PHACTR2: variants seen among roughly 807,000 people sequenced by gnomAD.
The protein encoded by PHACTR2 is phosphatase and actin regulator 2, also known as chromosome 6 open reading frame 56.
A neutral mutation model predicts 76.0 loss-of-function variants in PHACTR2; 30 were observed. The observed-to-expected ratio is 0.39, with a 90% confidence interval of 0.30 to 0.54. The LOEUF (loss-of-function observed/expected upper bound fraction) is 0.54. PHACTR2 is among the 20% of genes least tolerant of loss of function. The pLI, the probability that PHACTR2 is intolerant of heterozygous loss-of-function variation, is 0.61. For missense variants in PHACTR2, 696 were observed against 781.1 expected (o/e 0.89, Z 1.30); for synonymous variants, 292 against 292.5 (o/e 1.00, Z 0.02).
At position 143,588,125 on chromosome 6, in the gene PHACTR2, T is replaced by G. The variant is rs1271797839; in HGVS notation, c.217+50918T>G. ...AGATCTTCTAAAGCCTTTTTATACT[T>G]AAGATCATTGATCTTATACAAGTAG... On this transcript the variant is annotated intron_variant, in intron 1 of 11. Transcript: ENST00000367584. 2.6e-5 allele frequency among the ~76,000 whole-genome samples: 4 copies of G among 152,192 alleles called. No individual in the cohort carries two copies. The East Asian group carries it at 7.7e-4, about 29-fold the overall frequency.
In PHACTR2 at chr6:143,788,803, C is replaced by T. The variant is rs375030657; in HGVS notation, c.1738C>T (p.Gln580Ter). Residue 580 changes from glutamine to a stop codon, truncating the protein, a stop_gained, in exon 11 of 13, where the codon CAA becomes TAA. Transcript: ENST00000440869. LOFTEE classifies it high-confidence loss of function. ...CCTGAGACCCACAGTGGCAGAGCTA[C>T]AAGCTCGAAGGATCCTGCGATTTAA... ...LSLRPTVAEL[Q>*]ARRILRFNEY... 1 of 1,613,302 alleles carries T rather than the reference C, an allele frequency of 6.2e-7. No individual in the cohort carries two copies. The highest frequency in any genetic ancestry group is 8.5e-7 in the Non-Finnish European group (1 of 1,179,454).
chr6:143,643,383 T>G (rs1240927087), intron 1 of PHACTR2, among the ~76,000 whole-genome samples: 1 of 152,244 alleles, frequency 6.6e-6, no homozygotes, highest in Non-Finnish European at 1.5e-5. Context: ...AAGTTACTTC[T>G]GAAAATTGGT....
At chr6:143,717,824 G>A (rs1163006629) in intron 2 of PHACTR2, among the ~76,000 whole-genome samples, 1 of 151,848 alleles carries the variant, frequency 6.6e-6, no homozygotes, top group East Asian at 1.9e-4. Flanking sequence ...CATCCTCCTT[G>A]GCTTCTCAAA....
At chr6:143,636,139 A>C (rs1172125252) in intron 1 of PHACTR2, among the ~76,000 whole-genome samples, 1 of 151,980 alleles carries the variant, frequency 6.6e-6, no homozygotes, top group African/African-American at 2.4e-5. Flanking sequence ...CTTTGAACCC[A>C]AGAGGCAGAG....
rs73579901 is a variant in PHACTR2 at position 143,733,767 on chromosome 6, T to G, written c.215-15218T>G. 0.068 allele frequency among the ~76,000 whole-genome samples: 10,276 copies of G among 152,204 alleles called. 1,159 individuals are homozygous for G. The highest frequency in any genetic ancestry group is 0.23 in the African/African-American group (9,636 of 41,490). ...GAACATCTTTCTCAGAAAGGAAGTG[T>G]GGTGGGGGTTGTATTTTAATTCAAC... On this transcript the variant is annotated intron_variant, in intron 2 of 12. Coordinates refer to ENST00000440869, the MANE Select transcript of PHACTR2 (RefSeq NM_001100164.2). The surrounding 1 kb of genome is among the most constrained non-coding windows in gnomAD (Gnocchi z 4.0).
At chr6:143,734,567 C>T (rs1289205720) in intron 2 of PHACTR2, among the ~76,000 whole-genome samples, 1 of 152,166 alleles carries the variant, frequency 6.6e-6, no homozygotes, top group Non-Finnish European at 1.5e-5. Context: ...ACTGATTTTG[C>T]TGATTTCTGA....
At chr6:143,643,176 T>C (rs1289998246) in intron 1 of PHACTR2, among the ~76,000 whole-genome samples, 1 of 152,200 alleles carries the variant, frequency 6.6e-6, no homozygotes, top group Non-Finnish European at 1.5e-5. Context: ...ATCCAAATTA[T>C]TGTTTAAATG....
At chr6:143,569,894 C>T (rs1266890894) in intron 1 of PHACTR2, among the ~76,000 whole-genome samples, 1 of 152,104 alleles carries the variant, frequency 6.6e-6, no homozygotes, top group East Asian at 1.9e-4. Flanking sequence ...GGAAGTGCTG[C>T]GTGTGATAAG....
rs1376949116 is a variant in PHACTR2, at chr6:143,751,512, C to T, written c.296-2242C>T. ...TTTTGTCACTTGCCTTTTGGTCATA[C>T]ATGATTTTCTCTTTCTATCTGTCCC... is the stretch of plus-strand genomic sequence containing the variant. On this transcript the variant is annotated intron_variant, in intron 3 of 12. Coordinates refer to ENST00000440869, the MANE Select transcript of PHACTR2 (RefSeq NM_001100164.2). This position sits in a 1 kb window ranked among gnomAD's most constrained non-coding sequence, Gnocchi z 5.7. Among the ~76,000 whole-genome samples the T allele has an allele frequency of 6.6e-6, 1 of 152,084 alleles. No individual in the cohort carries two copies.
In PHACTR2 at chr6:143,800,063, C is replaced by T. The variant is rs535190006; in HGVS notation, c.1846-6994C>T. Among the ~76,000 whole-genome samples, 69 of 152,168 alleles carry T rather than the reference C, an allele frequency of 4.5e-4. No homozygotes were observed. Among genetic ancestry groups the T allele is most frequent in the Middle Eastern group, 3.4e-3 (1 of 294 alleles). ...GAACTTGCTTTATGAATCTGGTGCT[C>T]GTGTACTGGATGCATATATATTTAG... On this transcript the variant is annotated intron_variant, in intron 11 of 12. Transcript: ENST00000440869. The surrounding 1 kb of genome is among the most constrained non-coding windows in gnomAD (Gnocchi z 4.8).
chr6:143,788,941 G>T, intron 11 of PHACTR2, 31 bp downstream of exon 11: 2 of 1,585,388 alleles, frequency 1.3e-6, no homozygotes, highest in Non-Finnish European at 1.7e-6. Flanking sequence ...TGTGTTGATT[G>T]TATTGCTTTT....
chr6:143,604,891 C>A (rs369178341), upstream of PHACTR2, among the ~76,000 whole-genome samples: 106 of 132,242 alleles, frequency 8.0e-4, no homozygotes, highest in Admixed American at 1.2e-3. Context: ...GACTCCGTCT[C>A]AAAAAAAAAA....
At position 143,739,265 on chromosome 6, in the gene PHACTR2, A is replaced by C. The variant is rs1778888201; in HGVS notation, c.215-9720A>C. Among the ~76,000 whole-genome samples the C allele has an allele frequency of 6.6e-6, 1 of 152,096 alleles. No homozygotes were observed. Among genetic ancestry groups the C allele is most frequent in the Non-Finnish European group, 1.5e-5 (1 of 68,014 alleles). On this transcript the variant is annotated intron_variant, in intron 2 of 12. Coordinates refer to ENST00000440869, the MANE Select transcript of PHACTR2 (RefSeq NM_001100164.2). This position sits in a 1 kb window ranked among gnomAD's most constrained non-coding sequence, Gnocchi z 4.3. The stretch of plus-strand genomic sequence containing the variant: ...TTTTTAGTAAAGACAGGGTTTCACC[A>C]TGTTAGCCAGGATGGTCTCGATCTG...
intron 1 of PHACTR2, among the ~76,000 whole-genome samples, chr6:143,626,353 C>G (rs187958185): frequency 1.3e-5 from 2 of 151,968 alleles, no homozygotes; most frequent in Non-Finnish European, 2.9e-5. Flanking sequence ...CTGGCTAACA[C>G]GGTGAAACCC....
intron 1 of PHACTR2, chr6:143,555,215 CG>C (rs1554287053): frequency 1.3e-5 from 2 of 152,048 alleles, no homozygotes; most frequent in Non-Finnish European, 2.9e-5. Context: ...TCGAGCCTGC[CG>C]AGCTTAATTT....
rs1776892997 is a variant in PHACTR2, at chr6:143,658,662, G to A, written c.13+50340G>A. On this transcript the variant is annotated intron_variant, in intron 1 of 11. Transcript: ENST00000305766. The surrounding 1 kb of genome is among the most constrained non-coding windows in gnomAD (Gnocchi z 4.1). Reference sequence around the variant, plus strand: ...TTATAACACAATGGTAAGCATTTGTGTATCTAAACATATATCTAAACATAG... The same window carrying A: ...TTATAACACAATGGTAAGCATTTGTATATCTAAACATATATCTAAACATAG... Among the ~76,000 whole-genome samples the A allele has an allele frequency of 6.6e-6, 1 of 152,134 alleles. No individual in the cohort carries two copies. Among genetic ancestry groups the A allele is most frequent in the African/African-American group, 2.4e-5 (1 of 41,420 alleles).
At position 143,644,443 on chromosome 6, in the gene PHACTR2, A is replaced by G. The variant is rs530519333; in HGVS notation, c.13+36121A>G. ...AGATCGCACCACTGCACTGCAGCCT[A>G]GGTGACAGAGTGGGACTCCATCTCA... On this transcript the variant is annotated intron_variant, in intron 1 of 11. Transcript: ENST00000305766. 9.9e-3 allele frequency among the ~76,000 whole-genome samples: 1,302 copies of G among 131,028 alleles called. 36 individuals carry two copies. The highest frequency in any genetic ancestry group is 0.073 in the Admixed American group (835 of 11,514). 86.0% of individuals were successfully genotyped at this position (131,028 alleles called of 152,430 possible). A position where few individuals can be genotyped will look rare whatever the true frequency, so the allele number is the denominator to read the frequency against.
Position 143,678,664 on chromosome 6 carries a change from C to T in PHACTR2, c.46+455C>T, listed in dbSNP as rs895044516. On this transcript the variant is annotated intron_variant, in intron 1 of 12. Transcript: ENST00000440869. The surrounding 1 kb of genome is among the most constrained non-coding windows in gnomAD (Gnocchi z 6.2). ...TGTTATTCGGAGTAGAAGCGCTGATCGCCTTATCCTGGCAGACGCTGAATA... is the reference window on the plus strand; with the variant it reads ...TGTTATTCGGAGTAGAAGCGCTGATTGCCTTATCCTGGCAGACGCTGAATA... 1.3e-5 allele frequency among the ~76,000 whole-genome samples: 2 copies of T among 152,190 alleles called. No homozygotes were observed. Among genetic ancestry groups the T allele is most frequent in the African/African-American group, 4.8e-5 (2 of 41,448 alleles).
chr6:143,588,205 G>T (rs1775649830), intron 1 of PHACTR2, among the ~76,000 whole-genome samples: 1 of 152,050 alleles, frequency 6.6e-6, no homozygotes, highest in South Asian at 2.1e-4. Context: ...AATATGGAAA[G>T]ATTTTCCCTA....
Sources: allele counts gnomAD v4.1 joint callset (sites outside exome capture counted in the v4.1 genomes callset), GRCh38; gene constraint gnomAD v4.1.1; non-coding constraint Gnocchi (gnomAD v3.1); transcripts MANE v1.5; gene names NCBI Gene and HGNC (gene_info 2026-07-23, HGNC 2026-07-21).